The following MGST1 variants were observed in gnomAD, a reference collection of about 807,000 sequenced individuals.
The protein encoded by MGST1 is glutathione S-transferase 12.
A neutral mutation model predicts 8.9 loss-of-function variants in MGST1; 5 were observed. The observed-to-expected ratio is 0.56, with a 90% CI of 0.29 to 1.19. The LOEUF is 1.19. Among genes scored for constraint, MGST1 ranks in the 50% most tolerant of loss-of-function variants. MGST1 has a pLI of 0.08. For synonymous variants in MGST1, 54 were observed against 67.8 expected (o/e 0.80, Z 1.00); for missense variants, 182 against 187.4 (o/e 0.97, Z 0.17).
chr12:16,444,495 C>A (rs544964382), intron 4 of MGST1, among the ~76,000 whole-genome samples: 2 of 151,854 alleles, frequency 1.3e-5, no homozygotes, highest in East Asian at 1.9e-4. Context: ...GGGAAGATTT[C>A]TTTTGTCTCA....
At chr12:16,523,309 G>A (rs373898751) in intron 4 of MGST1, among the ~76,000 whole-genome samples, 26 of 152,138 alleles carry the variant, frequency 1.7e-4, no homozygotes, top group African/African-American at 5.1e-4. Context: ...TGAGAAAGTC[G>A]TAACATATCT....
chr12:16,583,024 G>A (rs1484369938), intron 4 of MGST1, among the ~76,000 whole-genome samples: 1 of 139,542 alleles, frequency 7.2e-6, no homozygotes, highest in East Asian at 2.1e-4. Context: ...TCTAGCCTGG[G>A]TGACAGTGCG....
At chr12:16,495,590 C>G (rs2137161215) in intron 4 of MGST1, among the ~76,000 whole-genome samples, 1 of 152,004 alleles carries the variant, frequency 6.6e-6, no homozygotes, top group African/African-American at 2.4e-5. Flanking sequence ...AATGCATTTT[C>G]AGTCTAAGAG....
intron 1 of MGST1, chr12:16,402,021 A>G (rs981701705): frequency 1.2e-6 from 2 of 1,600,664 alleles, no homozygotes; most frequent in African/African-American, 1.3e-5. Flanking sequence ...GAACACTCCA[A>G]TCTTCTTGCC....
Position 16,584,711 on chromosome 12 carries a change from A to G in MGST1, n.483-4817A>G, listed in dbSNP as rs1355817737. Among the ~76,000 whole-genome samples the G allele has an allele frequency of 6.6e-6, 1 of 152,124 alleles. No individual in the cohort carries two copies. Among genetic ancestry groups the G allele is most frequent in the Non-Finnish European group, 1.5e-5 (1 of 68,024 alleles). On this transcript the variant is annotated intron_variant and non_coding_transcript_variant, in intron 4 of 4. Transcript: ENST00000538857. This position sits in a 1 kb window ranked among gnomAD's most constrained non-coding sequence, Gnocchi z 5.2. ...TGCAATGGCTGCCATGAAGTTCAAG[A>G]AACAGCAAGAGATTTCTTTTATCAG...
intron 4 of MGST1, chr12:16,551,171 A>AAGAT: frequency 8.5e-7 from 1 of 1,178,830 alleles, no homozygotes; most frequent in East Asian, 2.3e-5. Flanking sequence ...TGGAGCAAAA[A>AAGAT]AGATAAAAGA....
intron 4 of MGST1, among the ~76,000 whole-genome samples, chr12:16,491,214 A>G (rs1941435903): frequency 6.6e-6 from 1 of 152,216 alleles, no homozygotes. Flanking sequence ...CCAACTAGAT[A>G]TTTAATATTT....
chr12:16,498,831 G>T (rs1402388954), intron 4 of MGST1, among the ~76,000 whole-genome samples: 1 of 152,166 alleles, frequency 6.6e-6, no homozygotes, highest in Non-Finnish European at 1.5e-5. Context: ...GCCCATCTCT[G>T]TTTCAAATTG....
chr12:16,380,404 G>A (rs1940438573), downstream of MGST1, among the ~76,000 whole-genome samples: 1 of 152,172 alleles, frequency 6.6e-6, no homozygotes, highest in Non-Finnish European at 1.5e-5. Context: ...TATTTACCCA[G>A]TAGTCATTCA....
Position 16,425,574 on chromosome 12 carries a change from G to A in MGST1, n.779-11814G>A, listed in dbSNP as rs533173620. 7.5e-4 allele frequency among the ~76,000 whole-genome samples: 114 copies of A among 152,192 alleles called. 1 individual carries two copies. The highest frequency in any genetic ancestry group is 2.4e-4 in the Non-Finnish European group (16 of 67,998). On this transcript the variant is annotated intron_variant and non_coding_transcript_variant, in intron 1 of 1. Coordinates refer to the MGST1 transcript ENST00000359720. The stretch of plus-strand genomic sequence containing the variant: ...GCTGGGATTACAAGTGTGGGCCACC[G>A]TGCTCTGGCAGAAACTCATTATTAA...
intron 4 of MGST1, among the ~76,000 whole-genome samples, chr12:16,525,035 CAT>C (rs1941673946): frequency 6.8e-5 from 1 of 14,624 alleles, no homozygotes; most frequent in Non-Finnish European, 1.8e-4. Flanking sequence ...TCATGGAACC[CAT>C]TTTTTTTTTT....
chr12:16,352,914 T>G (rs1297137925), intron 1 of MGST1, among the ~76,000 whole-genome samples: 4 of 152,196 alleles, frequency 2.6e-5, no homozygotes, highest in Non-Finnish European at 5.9e-5. Flanking sequence ...ATGGTGATCA[T>G]GATGACAATT....
chr12:16,438,369 G>A (rs974411016), exon 2 of MGST1: 3 of 151,898 alleles, frequency 2.0e-5, no homozygotes, highest in Admixed American at 6.6e-5. Flanking sequence ...TTCAAAGAAC[G>A]ATGTTTGATG....
chr12:16,348,372 G>A (rs1456614615), intron 1 of MGST1, among the ~76,000 whole-genome samples: 1 of 152,186 alleles, frequency 6.6e-6, no homozygotes, highest in East Asian at 1.9e-4. Context: ...CACTTCCCCA[G>A]TCTGGAGGAG....
chr12:16,551,011 T>C (rs188278577), intron 4 of MGST1: 1 of 482,708 alleles, frequency 2.1e-6, no homozygotes, highest in African/African-American at 1.9e-5. Flanking sequence ...CATATGTACA[T>C]TACTTTTTTC....
intron 1 of MGST1, among the ~76,000 whole-genome samples, chr12:16,426,969 CAAA>C (rs572147225): frequency 3.6e-5 from 3 of 84,292 alleles, no homozygotes; most frequent in Non-Finnish European, 4.5e-5. Context: ...GACTCTGTCT[CAAA>C]AAAAAAAAAA....
intron 4 of MGST1, among the ~76,000 whole-genome samples, chr12:16,474,352 T>A (rs1277446146): frequency 2.0e-5 from 3 of 152,226 alleles, no homozygotes; most frequent in Non-Finnish European, 4.4e-5. Flanking sequence ...CAGGGAAAAA[T>A]TCTGATACTT....
At chr12:16,511,442 C>T (rs929597932) in intron 4 of MGST1, among the ~76,000 whole-genome samples, 2 of 152,050 alleles carry the variant, frequency 1.3e-5, no homozygotes, top group African/African-American at 4.8e-5. Flanking sequence ...TCTTTTTTTG[C>T]TTTCAAGGAT....
In MGST1 at chr12:16,559,737, G is replaced by A. The variant is rs149625019; in HGVS notation, n.483-29791G>A. 5.0e-3 allele frequency among the ~76,000 whole-genome samples: 762 copies of A among 151,874 alleles called. 8 individuals carry two copies. Among genetic ancestry groups the A allele is most frequent in the African/African-American group, 0.018 (741 of 41,406 alleles). On this transcript the variant is annotated intron_variant and non_coding_transcript_variant, in intron 4 of 4. Coordinates refer to the MGST1 transcript ENST00000538857. The surrounding 1 kb of genome is among the most constrained non-coding windows in gnomAD (Gnocchi z 4.1). The stretch of plus-strand genomic sequence containing the variant: ...AGGTGGAGGTGGGAGGATTGCTTGA[G>A]GCCAGGAGTTTGAGACCAGCCTGGG...
Sources: allele counts gnomAD v4.1 joint callset (sites outside exome capture counted in the v4.1 genomes callset), GRCh38; gene constraint gnomAD v4.1.1; non-coding constraint Gnocchi (gnomAD v3.1); transcripts MANE v1.5; gene names NCBI Gene and HGNC (gene_info 2026-07-23, HGNC 2026-07-21).